Variants in PLEKHG1 observed in about 807,000 individuals in gnomAD.
PLEKHG1 encodes pleckstrin homology domain-containing family G member 1.
A neutral mutation model predicts 100.8 loss-of-function variants in PLEKHG1; 44 were observed. The ratio of observed to expected loss-of-function variants is 0.44; its 90% CI spans 0.34 to 0.56. PLEKHG1 has a LOEUF of 0.56. PLEKHG1 is among the 20% of genes least tolerant of loss of function. The pLI, the probability that PLEKHG1 is intolerant of heterozygous loss-of-function variation, is 0.01. For synonymous variants in PLEKHG1, 640 were observed against 662.5 expected (o/e 0.97, Z 0.52); for missense variants, 1,545 against 1,720.9 (o/e 0.90, Z 1.81).
At chr6:150,727,604 C>CAAAA (rs59430978) in intron 1 of PLEKHG1, among the ~76,000 whole-genome samples, 41 of 144,364 alleles carry the variant, frequency 2.8e-4, no homozygotes, top group African/African-American at 9.8e-4. Context: ...AAGGATGGCA[C>CAAAA]AAAAAAAAAA....
At chr6:150,652,581 G>A (rs759607364) in intron 3 of PLEKHG1, among the ~76,000 whole-genome samples, 7 of 152,000 alleles carry the variant, frequency 4.6e-5, no homozygotes, top group African/African-American at 1.5e-4. Flanking sequence ...TTAGCTGGGC[G>A]TGGTGGCTCA....
At chr6:150,635,464 A>G (rs1437447686) in intron 1 of PLEKHG1, among the ~76,000 whole-genome samples, 2 of 152,218 alleles carry the variant, frequency 1.3e-5, no homozygotes, top group Non-Finnish European at 2.9e-5. Flanking sequence ...ATTAAAAACA[A>G]TTGGGAAACA....
Position 150,830,668 on chromosome 6 carries a change from G to C in PLEKHG1, c.1557G>C (p.Met519Ile), listed in dbSNP as rs777387639. 9 of 1,614,138 alleles carry C rather than the reference G, an allele frequency of 5.6e-6. No homozygotes were observed. The South Asian group carries it at 9.9e-5, about 18-fold the overall frequency. ...ATAGTCAGCCTAGCAGTTCTACCAT[G>C]ATCAGCGTGCTTCGAGCGGGTGGAG... Residue 519 changes from methionine to isoleucine, a missense_variant, in exon 15 of 16, where the codon ATG becomes ATC. Coordinates refer to ENST00000358517, the Ensembl canonical transcript of PLEKHG1.
In PLEKHG1 at chr6:150,800,634, G is replaced by T. The variant is rs759708300; in HGVS notation, c.630-85G>T. On this transcript the variant is annotated intron_variant, in intron 5 of 15. Transcript: ENST00000358517. ...CTGGAGCTACCCTACTCATTTTAGG[G>T]CATTTACACTTGCAATAGCATTTAA... The T allele has an allele frequency of 8.7e-6, 11 of 1,267,758 alleles. 1 individual carries two copies. The highest frequency in any genetic ancestry group is 5.4e-5 in the Admixed American group (3 of 55,368). The allele number at this position is 1,267,758 out of a possible 1,614,324, so 78.5% of individuals were successfully genotyped here. A position where few individuals can be genotyped will look rare whatever the true frequency, so the allele number is the denominator to read the frequency against.
At chr6:150,603,294 T>C (rs1776446015) in intron 1 of PLEKHG1, among the ~76,000 whole-genome samples, 1 of 152,218 alleles carries the variant, frequency 6.6e-6, no homozygotes, top group African/African-American at 2.4e-5. Context: ...CTTGCATCAA[T>C]CTTGCTTGAT....
chr6:150,758,492 C>G (rs576151648), intron 2 of PLEKHG1, among the ~76,000 whole-genome samples: 1 of 152,146 alleles, frequency 6.6e-6, no homozygotes, highest in Admixed American at 6.5e-5. Context: ...CACACCACCA[C>G]GCCTGGCTAA....
chr6:150,809,877 CAAAG>C, intron 10 of PLEKHG1, 143 bp downstream of exon 11: 2 of 340,210 alleles, frequency 5.9e-6, no homozygotes. Flanking sequence ...AAAATAAAAA[CAAAG>C]AGACTGGGTC....
At chr6:150,665,265 C>G (rs901478755) in intron 3 of PLEKHG1, among the ~76,000 whole-genome samples, 2 of 152,166 alleles carry the variant, frequency 1.3e-5, no homozygotes, top group African/African-American at 2.4e-5. Context: ...CAAAACACTA[C>G]GTCATTAGAA....
intron 4 of PLEKHG1, among the ~76,000 whole-genome samples, chr6:150,792,264 G>C: frequency 6.6e-6 from 1 of 151,896 alleles, no homozygotes. Flanking sequence ...GGCTGAGGCA[G>C]GAGAATCACT....
chr6:150,830,489 G>A, intron 14 of PLEKHG1, 93 bp from the exon 16 acceptor site: 1 of 855,336 alleles, frequency 1.2e-6, no homozygotes, highest in Non-Finnish European at 1.8e-6. Context: ...AAGCCTAGTG[G>A]GGGAGGCAGT....
intron 3 of PLEKHG1, among the ~76,000 whole-genome samples, chr6:150,697,216 T>C (rs979395443): frequency 6.6e-5 from 10 of 152,084 alleles, no homozygotes; most frequent in African/African-American, 2.2e-4. Flanking sequence ...TCTGAAAGAG[T>C]AGAACCATTA....
At chr6:150,611,361 C>CA (rs1044816090) in intron 1 of PLEKHG1, among the ~76,000 whole-genome samples, 1 of 152,072 alleles carries the variant, frequency 6.6e-6, no homozygotes, top group Non-Finnish European at 1.5e-5. Context: ...AGCATACAAA[C>CA]AAAAAAATTA....
intron 1 of PLEKHG1, among the ~76,000 whole-genome samples, chr6:150,603,099 A>AAAAAAAAAAG (rs1562376037): frequency 6.7e-6 from 1 of 148,242 alleles, no homozygotes; most frequent in Admixed American, 6.8e-5. Flanking sequence ...AAAAATAAAA[A>AAAAAAAAAAG]AAAAGAAAAG....
At chr6:150,768,981 G>T (rs1458889715) in intron 3 of PLEKHG1, among the ~76,000 whole-genome samples, 1 of 152,086 alleles carries the variant, frequency 6.6e-6, no homozygotes, top group Non-Finnish European at 1.5e-5. Context: ...CCCTGGTGGG[G>T]CAATGACATC....
At chr6:150,718,266 G>T (rs745897983), upstream of PLEKHG1, among the ~76,000 whole-genome samples, 1 of 152,012 alleles carries the variant, frequency 6.6e-6, no homozygotes, top group African/African-American at 2.4e-5. Context: ...AACCAGCAGC[G>T]CACCTCCAAG....
chr6:150,659,119 G>A (rs1197976476), intron 3 of PLEKHG1, among the ~76,000 whole-genome samples: 3 of 151,698 alleles, frequency 2.0e-5, no homozygotes, highest in African/African-American at 4.8e-5. Flanking sequence ...GTGTGCACCC[G>A]TGTTGGGACT....
At chr6:150,756,008 A>T (rs1253571016) in intron 2 of PLEKHG1, among the ~76,000 whole-genome samples, 1 of 152,172 alleles carries the variant, frequency 6.6e-6, no homozygotes, top group Non-Finnish European at 1.5e-5. Flanking sequence ...GTGGAAATTC[A>T]TATCTCTTGA....
chr6:150,718,554 C>T (rs1223167462), upstream of PLEKHG1, among the ~76,000 whole-genome samples: 3 of 151,026 alleles, frequency 2.0e-5, no homozygotes, highest in African/African-American at 2.4e-5. Flanking sequence ...ACTACAACCT[C>T]CACCTCCCTG....
intron 3 of PLEKHG1, among the ~76,000 whole-genome samples, chr6:150,672,762 A>G (rs1334345071): frequency 1.3e-5 from 2 of 152,254 alleles, no homozygotes; most frequent in Non-Finnish European, 2.9e-5. Flanking sequence ...TGTACCATTT[A>G]TAGATAAAAA....
Sources: allele counts gnomAD v4.1 joint callset (sites outside exome capture counted in the v4.1 genomes callset), GRCh38; gene constraint gnomAD v4.1.1; transcripts MANE v1.5; gene names NCBI Gene and HGNC (gene_info 2026-07-23, HGNC 2026-07-21).